The following FLT1 variants were observed in gnomAD, a reference collection of about 807,000 sequenced individuals.
FLT1 encodes vascular endothelial growth factor receptor 1.
FLT1 carries 49 observed loss-of-function variants against 156.3 expected under a neutral mutation model. The observed-to-expected ratio is 0.31, with a 90% CI of 0.25 to 0.40. The LOEUF (loss-of-function observed/expected upper bound fraction) is 0.40, where lower values mean the gene tolerates loss of function less well. Ranked by LOEUF, FLT1 falls within the 10% of genes least tolerant of loss-of-function variation. FLT1 has a pLI of 1.00. For synonymous variants in FLT1, 594 were observed against 583.8 expected (o/e 1.02, Z -0.25); for missense variants, 1,322 against 1,637.2 (o/e 0.81, Z 3.32).
intron 8 of FLT1, among the ~76,000 whole-genome samples, chr13:28,428,248 G>T (rs1264304124): frequency 2.0e-5 from 3 of 152,114 alleles, no homozygotes; most frequent in Admixed American, 2.0e-4. Flanking sequence ...CATCCGAGAT[G>T]TTTTTCAGAG....
intron 1 of FLT1, among the ~76,000 whole-genome samples, chr13:28,487,749 TG>T (rs1448521428): frequency 6.6e-6 from 1 of 152,140 alleles, no homozygotes; most frequent in Non-Finnish European, 1.5e-5. Context: ...TGCTGGTTTT[TG>T]CCACCAAGTC....
At chr13:28,360,118 A>C (rs977594956) in intron 14 of FLT1, among the ~76,000 whole-genome samples, 1 of 152,188 alleles carries the variant, frequency 6.6e-6, no homozygotes, top group Non-Finnish European at 1.5e-5. Flanking sequence ...TCAAAAAACA[A>C]GAAAAAAACC....
At chr13:28,330,974 G>A (rs571153065) in intron 18 of FLT1, among the ~76,000 whole-genome samples, 70 of 152,278 alleles carry the variant, frequency 4.6e-4, no homozygotes, top group African/African-American at 1.4e-3. Flanking sequence ...GATTACAGGC[G>A]TGAGCCACCA....
At chr13:28,396,719 ATCCAG>A in intron 12 of FLT1, 1 of 621,856 alleles carries the variant, frequency 1.6e-6, no homozygotes, top group Non-Finnish European at 2.9e-6. Flanking sequence ...CCAATTCATA[ATCCAG>A]TCTGGGAGGG....
chr13:28,385,945 A>G (rs1158988233), intron 13 of FLT1: 1 of 1,050,788 alleles, frequency 9.5e-7, no homozygotes, highest in Admixed American at 5.5e-5. Flanking sequence ...TAAAGCTTCC[A>G]AGGTAAAAAA....
At chr13:28,457,488 T>C (rs1879331309) in intron 3 of FLT1, among the ~76,000 whole-genome samples, 1 of 152,198 alleles carries the variant, frequency 6.6e-6, no homozygotes, top group South Asian at 2.1e-4. Flanking sequence ...GTTTACTGCT[T>C]TAGTAAGCTA....
At chr13:28,473,857 A>C (rs984389671) in intron 1 of FLT1, among the ~76,000 whole-genome samples, 19 of 150,926 alleles carry the variant, frequency 1.3e-4, no homozygotes, top group African/African-American at 4.7e-4. Flanking sequence ...AAAGAAAGAA[A>C]GAAAGAACCC....
At chr13:28,313,538 C>A (rs776167971) in intron 25 of FLT1, among the ~76,000 whole-genome samples, 3 of 152,150 alleles carry the variant, frequency 2.0e-5, no homozygotes, top group Non-Finnish European at 2.9e-5. Context: ...GAATTTGGCT[C>A]TGGGTGGGAA....
At chr13:28,492,407 G>A (rs1295013055) in intron 1 of FLT1, among the ~76,000 whole-genome samples, 1 of 152,232 alleles carries the variant, frequency 6.6e-6, no homozygotes, top group African/African-American at 2.4e-5. Flanking sequence ...ATCCTTTATA[G>A]AGAAAGAGCA....
chr13:28,365,134 A>G (rs1305712552), intron 14 of FLT1, among the ~76,000 whole-genome samples: 1 of 152,194 alleles, frequency 6.6e-6, no homozygotes, highest in Non-Finnish European at 1.5e-5. Context: ...TTTTTATAGA[A>G]GAATATTGAG....
At chr13:28,473,563 TA>T (rs770582513) in intron 1 of FLT1, among the ~76,000 whole-genome samples, 4 of 150,760 alleles carry the variant, frequency 2.7e-5, no homozygotes, top group Non-Finnish European at 5.9e-5. Context: ...GAGAATGGCT[TA>T]AACCCGGGAG....
chr13:28,461,847 G>A (rs570907444), intron 3 of FLT1, among the ~76,000 whole-genome samples: 182 of 152,160 alleles, frequency 1.2e-3, no homozygotes, highest in African/African-American at 3.5e-3. Context: ...AGATTATGCC[G>A]CTGTGCAAAT....
At chr13:28,308,969 A>G (rs1413139763) in intron 27 of FLT1, 42 bp from the exon 28 acceptor site, 1 of 1,208,704 alleles carries the variant, frequency 8.3e-7, no homozygotes, top group African/African-American at 1.5e-5. Flanking sequence ...AGGAAAAGGC[A>G]TCCAGCTCTA....
chr13:28,368,338 G>A, intron 14 of FLT1: 1 of 701,322 alleles, frequency 1.4e-6, no homozygotes, highest in Non-Finnish European at 2.2e-6. Context: ...TTTTAATAGA[G>A]ACAGCATTTC....
Position 28,391,015 on chromosome 13 carries a change from G to A in FLT1, c.1661-911C>T, listed in dbSNP as rs186602274. Among the ~76,000 whole-genome samples the A allele has an allele frequency of 2.0e-4, 31 of 152,268 alleles. No individual in the cohort carries two copies. In the East Asian group the frequency reaches 5.0e-3, roughly 25 times the overall value. The stretch of plus-strand genomic sequence containing the variant: ...GCCAGTGGCACAGTGGGCCAGAGAG[G>A]AGCCCGCTGACTTACTCAGGACTTC... On this transcript the variant is annotated intron_variant, in intron 12 of 29. Transcript: ENST00000282397.
At chr13:28,449,560 G>A (rs1878809071) in intron 3 of FLT1, among the ~76,000 whole-genome samples, 2 of 144,554 alleles carry the variant, frequency 1.4e-5, no homozygotes, top group Admixed American at 6.9e-5. Flanking sequence ...ACTGAGACTG[G>A]CTTAGGAATA....
In FLT1 at chr13:28,327,563, C is replaced by G; in HGVS notation, c.2708-13G>C. The G allele has an allele frequency of 6.3e-7, 1 of 1,576,692 alleles. No individual in the cohort carries two copies. Among genetic ancestry groups the G allele is most frequent in the East Asian group, 2.2e-5 (1 of 44,692 alleles). On this transcript the variant is annotated splice_polypyrimidine_tract_variant and intron_variant, in intron 19 of 29. Coordinates refer to ENST00000282397, the MANE Select transcript of FLT1 (RefSeq NM_002019.4). ...ACCATCAGAGGCCCTGCAGCCAAAA[C>G]AGCACATGCTCATGCTCAGCCACAC...
intron 14 of FLT1, among the ~76,000 whole-genome samples, chr13:28,378,050 C>CTTT (rs869039457): frequency 5.9e-5 from 8 of 136,152 alleles, no homozygotes; most frequent in African/African-American, 1.9e-4. Flanking sequence ...GAGACTTAAT[C>CTTT]TTTTTTTTTT....
rs141761632 is a variant in FLT1, at chr13:28,315,845, A to G, written c.3386+1653T>C. 2.2e-3 allele frequency among the ~76,000 whole-genome samples: 336 copies of G among 152,278 alleles called. 4 individuals carry two copies. The highest frequency in any genetic ancestry group is 0.017 in the Admixed American group (258 of 15,292). On this transcript the variant is annotated intron_variant, in intron 25 of 29. Coordinates refer to ENST00000282397, the MANE Select transcript of FLT1 (RefSeq NM_002019.4). ...AATTCATCAGCCGTGGTCTAGGGACATCAGTCCAGAGGCTTGGGTTCTAAA... is the reference window on the plus strand; with the variant it reads ...AATTCATCAGCCGTGGTCTAGGGACGTCAGTCCAGAGGCTTGGGTTCTAAA...
Sources: gnomAD v4.1 joint callset for allele counts (sites outside exome capture counted in the v4.1 genomes callset) on GRCh38, gnomAD v4.1.1 for gene constraint, MANE v1.5 for transcripts, NCBI Gene and HGNC (gene_info 2026-07-23, HGNC 2026-07-21) for gene names.